The following MACROD2 variants were observed in gnomAD, a reference collection of about 807,000 sequenced individuals.
MACROD2 encodes ADP-ribose glycohydrolase MACROD2.
Under a neutral mutation model 70.4 loss-of-function variants are expected in MACROD2, and 36 were observed. That is an observed-to-expected ratio of 0.51 (90% CI 0.39 to 0.68). The LOEUF (loss-of-function observed/expected upper bound fraction) is 0.68. Ranked by LOEUF, MACROD2 falls within the 30% of genes least tolerant of loss-of-function variation. MACROD2 has a pLI of 0.00. For missense variants in MACROD2, 496 were observed against 538.4 expected (o/e 0.92, Z 0.78); for synonymous variants, 172 against 178.8 (o/e 0.96, Z 0.30).
At chr20:14,958,268 G>A (rs763940055) in intron 5 of MACROD2, among the ~76,000 whole-genome samples, 2 of 152,164 alleles carry the variant, frequency 1.3e-5, no homozygotes, top group Non-Finnish European at 2.9e-5. Context: ...AAATGTAAGC[G>A]GATGGTTTAT....
At chr20:15,329,885 C>A (rs2077973905) in intron 6 of MACROD2, among the ~76,000 whole-genome samples, 1 of 152,094 alleles carries the variant, frequency 6.6e-6, no homozygotes, top group South Asian at 2.1e-4. Context: ...ACAGCAGACA[C>A]AGAGGAGGGT....
At chr20:15,485,793 A>G (rs567052740) in intron 7 of MACROD2, among the ~76,000 whole-genome samples, 12 of 152,256 alleles carry the variant, frequency 7.9e-5, no homozygotes, top group East Asian at 7.7e-4. Context: ...ATCACTTCCA[A>G]TTACATTTCT....
At chr20:15,828,798 G>T (rs2064024447) in intron 8 of MACROD2, among the ~76,000 whole-genome samples, 1 of 152,152 alleles carries the variant, frequency 6.6e-6, no homozygotes, top group Non-Finnish European at 1.5e-5. Context: ...TTGAAAAACT[G>T]GTTAACATTT....
intron 16 of MACROD2, among the ~76,000 whole-genome samples, chr20:16,043,476 C>T (rs2067335025): frequency 6.6e-6 from 1 of 152,054 alleles, no homozygotes; most frequent in South Asian, 2.1e-4. Context: ...ATAATGTGGA[C>T]TTTGATGCTT....
In MACROD2 at chr20:14,931,091, A is replaced by G. The variant is rs141913868; in HGVS notation, c.418+246132A>G. The stretch of plus-strand genomic sequence containing the variant: ...CACAGAATTGATAGATGAGGTCCTT[A>G]TTCTAGTAGAACTATGAAAATTTTC... On this transcript the variant is annotated intron_variant, in intron 5 of 17. Coordinates refer to ENST00000684519, the MANE Select transcript of MACROD2 (RefSeq NM_001351661.2). Among the ~76,000 whole-genome samples, 8 of 152,244 alleles carry G rather than the reference A, an allele frequency of 5.3e-5. No homozygotes were observed. In the East Asian group the frequency reaches 1.5e-3, roughly 29 times the overall value.
chr20:14,326,432 C>T lies in MACROD2; in HGVS notation c.272-167047C>T. 4 of 1,613,874 alleles carry T rather than the reference C, an allele frequency of 2.5e-6. No individual in the cohort carries two copies. Among genetic ancestry groups the T allele is most frequent in the Non-Finnish European group, 2.5e-6 (3 of 1,179,866 alleles). ...GTTATCTGAATGGTGCTTACAATCC[C>T]ACTGTCCTTACAATCAAACAGTTCT... On this transcript the variant is annotated intron_variant, in intron 3 of 17. Transcript: ENST00000684519. The surrounding 1 kb of genome is among the most constrained non-coding windows in gnomAD (Gnocchi z 5.5).
chr20:14,661,321 A>G (rs1986216144), intron 4 of MACROD2, among the ~76,000 whole-genome samples: 1 of 151,838 alleles, frequency 6.6e-6, no homozygotes, highest in South Asian at 2.1e-4. Flanking sequence ...GCGTTTTTTC[A>G]TATGTTTGTT....
intron 6 of MACROD2, among the ~76,000 whole-genome samples, chr20:15,246,304 G>A (rs987583684): frequency 2.0e-5 from 3 of 152,098 alleles, no homozygotes; most frequent in Admixed American, 1.3e-4. Flanking sequence ...TGTGTGCACT[G>A]TGTATCCACA....
intron 4 of MACROD2, among the ~76,000 whole-genome samples, chr20:14,553,011 A>G (rs1025046479): frequency 1.3e-5 from 2 of 152,088 alleles, no homozygotes. Flanking sequence ...ATAATAAATT[A>G]ACTATAGCTT....
intron 3 of MACROD2, among the ~76,000 whole-genome samples, chr20:14,173,758 G>A (rs1238660706): frequency 6.6e-6 from 1 of 152,156 alleles, no homozygotes; most frequent in African/African-American, 2.4e-5. Context: ...ATGCTAGAGG[G>A]AAGATCTAGG....
chr20:15,658,452 C>T (rs2049766827), intron 8 of MACROD2, among the ~76,000 whole-genome samples: 1 of 152,040 alleles, frequency 6.6e-6, no homozygotes, highest in Non-Finnish European at 1.5e-5. Flanking sequence ...GTTTTCTGGG[C>T]CTCATTGTTT....
At chr20:15,206,481 G>A (rs944545025) in intron 5 of MACROD2, among the ~76,000 whole-genome samples, 4 of 151,888 alleles carry the variant, frequency 2.6e-5, no homozygotes, top group Non-Finnish European at 5.9e-5. Flanking sequence ...TTTTGATTAC[G>A]TACATACATC....
At chr20:15,922,982 C>G (rs1199432984) in intron 10 of MACROD2, among the ~76,000 whole-genome samples, 1 of 147,932 alleles carries the variant, frequency 6.8e-6, no homozygotes, top group Non-Finnish European at 1.5e-5. Context: ...TTTTTGTCTA[C>G]AAATATTAGT....
At chr20:15,908,182 G>C (rs2065177457) in intron 10 of MACROD2, among the ~76,000 whole-genome samples, 1 of 152,032 alleles carries the variant, frequency 6.6e-6, no homozygotes, top group Non-Finnish European at 1.5e-5. Flanking sequence ...CCATTGAGAA[G>C]GCATGCGCTA....
intron 4 of MACROD2, 36 bp from the exon 5 acceptor site, chr20:14,684,807 G>A: frequency 6.5e-7 from 1 of 1,532,192 alleles, no homozygotes; most frequent in Non-Finnish European, 9.0e-7. Context: ...ATTTCCAAAT[G>A]CCAAATATAA....
chr20:14,175,763 A>C (rs779143298), intron 3 of MACROD2, among the ~76,000 whole-genome samples: 3 of 152,190 alleles, frequency 2.0e-5, no homozygotes, highest in East Asian at 1.9e-4. Context: ...AACTTGTTCA[A>C]ATTGTTCCTA....
At chr20:14,135,241 A>T (rs1386814249) in intron 3 of MACROD2, among the ~76,000 whole-genome samples, 2 of 152,204 alleles carry the variant, frequency 1.3e-5, no homozygotes, top group South Asian at 2.1e-4. Context: ...ATGGACATAG[A>T]TATACACATT....
At chr20:15,144,622 G>C (rs1191234198) in intron 5 of MACROD2, among the ~76,000 whole-genome samples, 1 of 152,112 alleles carries the variant, frequency 6.6e-6, no homozygotes, top group East Asian at 1.9e-4. Context: ...AAAGTCATAA[G>C]AGCATAATTC....
chr20:15,870,599 C>T (rs1011443963), intron 9 of MACROD2, among the ~76,000 whole-genome samples: 2 of 152,092 alleles, frequency 1.3e-5, no homozygotes, highest in Admixed American at 6.6e-5. Flanking sequence ...CTTTGCCTTC[C>T]ACTTTGTGAT....
Sources: gnomAD v4.1 joint callset for allele counts (sites outside exome capture counted in the v4.1 genomes callset) on GRCh38, gnomAD v4.1.1 for gene constraint, Gnocchi (gnomAD v3.1) non-coding constraint, MANE v1.5 for transcripts, NCBI Gene and HGNC (gene_info 2026-07-23, HGNC 2026-07-21) for gene names.